CGRRF1: variants seen among roughly 807,000 people sequenced by gnomAD.
CGRRF1 encodes the protein cell growth regulator with RING finger domain protein 1.
A neutral mutation model predicts 37.2 loss-of-function variants in CGRRF1; 32 were observed. The ratio of observed to expected loss-of-function variants is 0.86; its 90% CI spans 0.65 to 1.16. The LOEUF (loss-of-function observed/expected upper bound fraction) is 1.16. Ranked by LOEUF, CGRRF1 falls within the 50% of genes most tolerant of loss-of-function variation. The pLI is 0.00. For synonymous variants in CGRRF1, 141 were observed against 140.3 expected (o/e 1.00, Z -0.04); for missense variants, 391 against 382.6 (o/e 1.02, Z -0.18).
chr14:54,524,950 G>T (rs1029397668), intron 2 of CGRRF1, among the ~76,000 whole-genome samples: 1 of 152,188 alleles, frequency 6.6e-6, no homozygotes, highest in African/African-American at 2.4e-5. Flanking sequence ...GGGAGGATGA[G>T]GTGGGAGGAT....
rs145496924 is a variant in CGRRF1, at chr14:54,511,509, T to C, written c.104+1446T>C. Among the ~76,000 whole-genome samples, 637 of 152,372 alleles carry C rather than the reference T, an allele frequency of 4.2e-3. 7 individuals are homozygous for C. Among genetic ancestry groups the C allele is most frequent in the African/African-American group, 0.015 (611 of 41,580 alleles). ...TATAATGTTAGTGTTATTCTCTTAA[T>C]GAAGCATAATTTTCCTCCACTAAGG... On this transcript the variant is annotated intron_variant, in intron 1 of 5. Transcript: ENST00000216420.
intron 4 of CGRRF1, among the ~76,000 whole-genome samples, chr14:54,534,892 A>T (rs539513046): frequency 4.5e-4 from 68 of 152,036 alleles, no homozygotes; most frequent in South Asian, 2.1e-3. Context: ...GTTAAAAAAA[A>T]TTTTTTTCTA....
In CGRRF1 at chr14:54,530,067, C is replaced by T; in HGVS notation, c.263C>T (p.Thr88Ile). Residue 88 changes from threonine (T) to isoleucine (I), a missense_variant, in exon 3 of 6, where the codon ACA becomes ATA. Physicochemically the swap from Thr to Ile is moderately conservative, Grantham distance 89. Transcript: ENST00000216420. ...TTTACAGCTGGCATAACCTTGACAA[C>T]AGATTGCCTTGAAGATAGCCTCCTT... Reference protein sequence around the residue: ...ASITTGITLTTDCLEDSLLTC... With the variant: ...ASITTGITLTIDCLEDSLLTC... 1 of 1,610,270 alleles carries T rather than the reference C, an allele frequency of 6.2e-7. No individual in the cohort carries two copies. The highest frequency in any genetic ancestry group is 1.1e-5 in the South Asian group (1 of 90,782).
At chr14:54,533,118 C>G (rs1011281286) in intron 4 of CGRRF1, among the ~76,000 whole-genome samples, 1 of 151,402 alleles carries the variant, frequency 6.6e-6, no homozygotes, top group South Asian at 2.1e-4. Flanking sequence ...TAACTTTCTT[C>G]CCCTGTCCAA....
chr14:54,533,632 A>T (rs186305350), intron 4 of CGRRF1, among the ~76,000 whole-genome samples: 36 of 136,884 alleles, frequency 2.6e-4, no homozygotes, highest in Admixed American at 1.1e-3. Flanking sequence ...ATATTTTTTT[A>T]AAAAATTTAT....
intron 4 of CGRRF1, among the ~76,000 whole-genome samples, chr14:54,533,479 TG>T (rs1311906835): frequency 6.6e-6 from 1 of 152,186 alleles, no homozygotes; most frequent in Non-Finnish European, 1.5e-5. Flanking sequence ...TTTCTTAGAT[TG>T]GGGGTAATAT....
At chr14:54,534,850 G>A (rs2032574963) in intron 4 of CGRRF1, among the ~76,000 whole-genome samples, 1 of 152,048 alleles carries the variant, frequency 6.6e-6, no homozygotes, top group Non-Finnish European at 1.5e-5. Flanking sequence ...GAGTAACCGG[G>A]CCAACAGGAA....
chr14:54,511,859 G>A (rs537861675), intron 1 of CGRRF1, among the ~76,000 whole-genome samples: 3 of 152,354 alleles, frequency 2.0e-5, no homozygotes, highest in African/African-American at 7.2e-5. Context: ...ACAAGACCAT[G>A]TAAATCCAGT....
chr14:54,513,603 T>TATGTTATGTA (rs1491396908), intron 1 of CGRRF1, among the ~76,000 whole-genome samples: 12 of 141,112 alleles, frequency 8.5e-5, no homozygotes, highest in Admixed American at 3.1e-4. Flanking sequence ...TATGTTATGT[T>TATGTTATGTA]ATGTTATGTT....
intron 4 of CGRRF1, among the ~76,000 whole-genome samples, chr14:54,531,805 G>A (rs138409863): frequency 0.03 from 4,590 of 152,176 alleles, 125 homozygotes; most frequent in Non-Finnish European, 0.044. Context: ...AATCATCTGA[G>A]TATAATAGAA....
intron 3 of CGRRF1, chr14:54,530,670 T>G: frequency 1.2e-6 from 1 of 841,428 alleles, no homozygotes; most frequent in Non-Finnish European, 1.8e-6. Context: ...TCATTTTTGG[T>G]ATACTAGAAG....
chr14:54,514,612 G>A (rs1263691452), intron 1 of CGRRF1, among the ~76,000 whole-genome samples: 1 of 152,116 alleles, frequency 6.6e-6, no homozygotes, highest in Non-Finnish European at 1.5e-5. Context: ...CCACCCTCAG[G>A]TGGATCCCAG....
At chr14:54,516,590 T>A (rs1206871462) in intron 1 of CGRRF1, among the ~76,000 whole-genome samples, 1 of 152,174 alleles carries the variant, frequency 6.6e-6, no homozygotes, top group African/African-American at 2.4e-5. Flanking sequence ...TTCTTAGGAT[T>A]TTCTCTATAT....
intron 2 of CGRRF1, among the ~76,000 whole-genome samples, chr14:54,524,804 T>C (rs1162788741): frequency 6.6e-6 from 1 of 152,146 alleles, no homozygotes; most frequent in Admixed American, 6.5e-5. Context: ...TTCCCTATAA[T>C]AGATAACAGT....
chr14:54,537,629 C>T, intron 4 of CGRRF1, 93 bp from the exon 5 acceptor site: 1 of 1,209,026 alleles, frequency 8.3e-7, no homozygotes, highest in Non-Finnish European at 1.1e-6. Flanking sequence ...TGGCAGAAGA[C>T]AGTGTCTAGA....
intron 1 of CGRRF1, among the ~76,000 whole-genome samples, chr14:54,515,891 G>A (rs1441950208): frequency 1.3e-5 from 2 of 151,828 alleles, no homozygotes; most frequent in Non-Finnish European, 2.9e-5. Flanking sequence ...TTTTAACTAG[G>A]GAGTTTAAAA....
chr14:54,520,600 T>C (rs755419564), intron 1 of CGRRF1, among the ~76,000 whole-genome samples: 6 of 152,248 alleles, frequency 3.9e-5, no homozygotes, highest in Non-Finnish European at 8.8e-5. Context: ...CTCATTTTTA[T>C]TTCTACCATA....
intron 1 of CGRRF1, among the ~76,000 whole-genome samples, chr14:54,512,801 G>A (rs1488212112): frequency 6.6e-6 from 1 of 152,178 alleles, no homozygotes; most frequent in African/African-American, 2.4e-5. Context: ...CTTCCTTAAA[G>A]ATACCAGTAT....
At position 54,539,054 on chromosome 14, in the gene CGRRF1, ATTAAAT is replaced by A. The variant is rs1566515343; in HGVS notation, c.*675_*680del. 1 of 152,204 alleles carries A rather than the reference ATTAAAT, an allele frequency of 6.6e-6. No homozygotes were observed. The highest frequency in any genetic ancestry group is 2.4e-5 in the African/African-American group (1 of 41,452). The allele number at this position is 152,204 out of a possible 1,614,324, so 9.4% of individuals were successfully genotyped here. ...TTCGGATAATAAGATTTTTTGGATA[ATTAAAT>A]TTATTAAATTGATAGTCAAGTGTGA... On this transcript the variant is annotated 3_prime_UTR_variant, in exon 6 of 6. Coordinates refer to ENST00000216420, the MANE Select transcript of CGRRF1 (RefSeq NM_006568.3).
Sources: allele counts gnomAD v4.1 joint callset (sites outside exome capture counted in the v4.1 genomes callset), GRCh38; gene constraint gnomAD v4.1.1; transcripts MANE v1.5; gene names NCBI Gene and HGNC (gene_info 2026-07-23, HGNC 2026-07-21).